PARVA: variants seen among roughly 807,000 people sequenced by gnomAD.
The protein encoded by PARVA is alpha-parvin.
In PARVA, 25 loss-of-function variants were observed where a neutral mutation model predicts 52.6. The ratio of observed to expected loss-of-function variants is 0.48; its 90% confidence interval spans 0.35 to 0.66. The LOEUF (loss-of-function observed/expected upper bound fraction) is 0.66, where lower values mean the gene tolerates loss of function less well. PARVA is among the 30% of genes least tolerant of loss of function. The pLI is 0.01. For missense variants in PARVA, 373 were observed against 450.9 expected (o/e 0.83, Z 1.56); for synonymous variants, 185 against 179.1 (o/e 1.03, Z -0.26).
chr11:12,387,416 A>G (rs1411897387), intron 1 of PARVA, among the ~76,000 whole-genome samples: 2 of 152,112 alleles, frequency 1.3e-5, no homozygotes, highest in Non-Finnish European at 2.9e-5. Flanking sequence ...GCTCCCTAAA[A>G]TGCTTCTTAA....
chr11:12,454,311 T>G (rs1940664490), intron 1 of PARVA, among the ~76,000 whole-genome samples: 1 of 152,302 alleles, frequency 6.6e-6, no homozygotes, highest in Non-Finnish European at 1.5e-5. Flanking sequence ...TAGTATAATT[T>G]TTTTCTTTAC....
At chr11:12,518,117 C>T (rs1437281475) in intron 11 of PARVA, among the ~76,000 whole-genome samples, 5 of 151,382 alleles carry the variant, frequency 3.3e-5, no homozygotes, top group Admixed American at 3.3e-4. Flanking sequence ...AGAAAGCCTG[C>T]TCTGCCTGTT....
At chr11:12,433,176 A>C (rs1940338971) in intron 1 of PARVA, among the ~76,000 whole-genome samples, 1 of 152,148 alleles carries the variant, frequency 6.6e-6, no homozygotes, top group Admixed American at 6.5e-5. Flanking sequence ...CATTTTTGCG[A>C]CGACCTTACC....
intron 1 of PARVA, among the ~76,000 whole-genome samples, chr11:12,394,305 C>T (rs1211135122): frequency 2.0e-5 from 3 of 152,136 alleles, no homozygotes; most frequent in African/African-American, 7.2e-5. Context: ...AATTCAAAGT[C>T]AAAACCCAGC....
At chr11:12,471,362 A>AAT (rs60696756) in intron 1 of PARVA, among the ~76,000 whole-genome samples, 146,353 of 152,220 alleles carry the variant, frequency 0.96, 70,649 homozygotes, top group East Asian at 1. Flanking sequence ...TTATCCACTT[A>AAT]CTCTTTTAAA....
chr11:12,528,308 G>T lies in PARVA; in HGVS notation c.*383G>T, dbSNP rs1941729415. On this transcript the variant is annotated 3_prime_UTR_variant, in exon 13 of 13. Coordinates refer to ENST00000334956, the MANE Select transcript of PARVA (RefSeq NM_018222.5). ...TGTCAGGCCCCACACTAAGTGCTCT[G>T]CTCTGATATACTCAAGGCCATTAAT... The T allele has an allele frequency of 4.3e-6, 1 of 232,710 alleles. No homozygotes were observed. The allele number at this position is 232,710 out of a possible 1,614,324, so 14.4% of individuals were successfully genotyped here. A position where few individuals can be genotyped will look rare whatever the true frequency, so the allele number is the denominator to read the frequency against.
chr11:12,394,394 A>G (rs973992165), intron 1 of PARVA, among the ~76,000 whole-genome samples: 2 of 152,212 alleles, frequency 1.3e-5, no homozygotes, highest in East Asian at 1.9e-4. Flanking sequence ...GTAAACACTC[A>G]TGGGAGATCT....
intron 1 of PARVA, among the ~76,000 whole-genome samples, chr11:12,458,550 C>T (rs1940729569): frequency 6.7e-6 from 1 of 148,984 alleles, no homozygotes; most frequent in Admixed American, 6.8e-5. Context: ...ATGTTCTGTT[C>T]CCGGATTTGC....
chr11:12,512,609 C>T (rs1941516350), intron 8 of PARVA, among the ~76,000 whole-genome samples: 1 of 152,246 alleles, frequency 6.6e-6, no homozygotes, highest in Non-Finnish European at 1.5e-5. Flanking sequence ...CTGATATTTA[C>T]TGTGGGTAAT....
chr11:12,501,632 T>C (rs1941364377), intron 5 of PARVA, among the ~76,000 whole-genome samples: 1 of 152,228 alleles, frequency 6.6e-6, no homozygotes, highest in Non-Finnish European at 1.5e-5. Flanking sequence ...AAAATGCTGA[T>C]CTAAACCATC....
At chr11:12,501,904 A>G (rs555869619) in intron 5 of PARVA, among the ~76,000 whole-genome samples, 2 of 152,178 alleles carry the variant, frequency 1.3e-5, no homozygotes, top group Admixed American at 6.5e-5. Context: ...TTACTTGATC[A>G]CAACTTTTCT....
intron 4 of PARVA, among the ~76,000 whole-genome samples, chr11:12,485,396 T>C (rs1288059043): frequency 3.3e-5 from 5 of 152,012 alleles, no homozygotes; most frequent in Admixed American, 2.6e-4. Context: ...CTTGGAGAAA[T>C]GGCTAATTTT....
chr11:12,446,034 T>A (rs1168015958), intron 1 of PARVA, among the ~76,000 whole-genome samples: 1 of 123,286 alleles, frequency 8.1e-6, no homozygotes, highest in African/African-American at 2.6e-5. Context: ...ACGGGTTCAT[T>A]TACTTTAAAA....
In PARVA at chr11:12,534,839, G is replaced by A. The variant is rs1941815958; in HGVS notation, c.*6914G>A. On this transcript the variant is annotated 3_prime_UTR_variant, in exon 13 of 13. Transcript: ENST00000334956. The stretch of plus-strand genomic sequence containing the variant: ...CAGTGCCTGCCCTTGGCAAATATAT[G>A]TTGGTGTATCTGAAAAACAGCTCCT... Among the ~76,000 whole-genome samples the A allele has an allele frequency of 6.6e-6, 1 of 152,214 alleles. No homozygotes were observed. The highest frequency in any genetic ancestry group is 2.1e-4 in the South Asian group (1 of 4,832).
chr11:12,496,169 A>G (rs930613197), intron 4 of PARVA, among the ~76,000 whole-genome samples: 3 of 152,160 alleles, frequency 2.0e-5, no homozygotes, highest in Non-Finnish European at 4.4e-5. Context: ...AAGAAGGAGA[A>G]AACTCCAGAA....
chr11:12,518,077 A>AT (rs1941593036), intron 11 of PARVA, among the ~76,000 whole-genome samples: 1 of 151,972 alleles, frequency 6.6e-6, no homozygotes, highest in Non-Finnish European at 1.5e-5. Flanking sequence ...AGGCTGCCAC[A>AT]TCCTGCTCGC....
chr11:12,530,842 C>G lies in PARVA; in HGVS notation c.*2917C>G, dbSNP rs963383562. ...AATCCAAATGCGTATCTCCAGTCTG[C>G]TCGAGCTAGGAAAGGAAAAAAGCCC... On this transcript the variant is annotated 3_prime_UTR_variant, in exon 13 of 13. Transcript: ENST00000334956. The G allele has an allele frequency of 2.4e-4, 37 of 152,100 alleles. No individual in the cohort carries two copies. Among genetic ancestry groups the G allele is most frequent in the African/African-American group, 8.2e-4 (34 of 41,406 alleles). The allele number at this position is 152,100 out of a possible 1,614,324, so 9.4% of individuals were successfully genotyped here. A position where few individuals can be genotyped will look rare whatever the true frequency, so the allele number is the denominator to read the frequency against.
At chr11:12,424,301 G>A (rs1372881249) in intron 1 of PARVA, among the ~76,000 whole-genome samples, 1 of 152,062 alleles carries the variant, frequency 6.6e-6, no homozygotes, top group Non-Finnish European at 1.5e-5. Flanking sequence ...TGCAAAACAA[G>A]TGATATGTCC....
intron 4 of PARVA, among the ~76,000 whole-genome samples, chr11:12,493,670 T>C (rs955651028): frequency 6.6e-6 from 1 of 151,042 alleles, no homozygotes; most frequent in Non-Finnish European, 1.5e-5. Context: ...TTTAGTACCA[T>C]AGACTAGTTA....
Sources: allele counts gnomAD v4.1 joint callset (sites outside exome capture counted in the v4.1 genomes callset), GRCh38; gene constraint gnomAD v4.1.1; transcripts MANE v1.5; gene names NCBI Gene and HGNC (gene_info 2026-07-23, HGNC 2026-07-21).